The following PDE4B variants were observed in gnomAD, a reference collection of about 807,000 sequenced individuals.
The protein encoded by PDE4B is 3',5'-cyclic-AMP phosphodiesterase 4B.
PDE4B carries 20 observed loss-of-function variants against 82.2 expected under a neutral mutation model. The observed-to-expected ratio is 0.24, with a 90% CI of 0.17 to 0.35. PDE4B has a LOEUF of 0.35. Among genes scored for constraint, PDE4B ranks in the 10% least tolerant of loss-of-function variants. The probability of loss-of-function intolerance (pLI) is 1.00; values close to 1 mark genes in which losing one functional copy is unlikely to be tolerated. For synonymous variants in PDE4B, 320 were observed against 318.9 expected (o/e 1.00, Z -0.04); for missense variants, 655 against 907.2 (o/e 0.72, Z 3.57).
chr1:66,017,408 A>G lies in PDE4B; in HGVS notation c.281+98573A>G, dbSNP rs893333998. On this transcript the variant is annotated intron_variant, in intron 3 of 16. Coordinates refer to ENST00000341517, the MANE Select transcript of PDE4B (RefSeq NM_002600.4). The stretch of plus-strand genomic sequence containing the variant: ...AAAGCTACCTAGATAAAAGGCCAAA[A>G]TATAACATGTAGTTATGACAGTCAG... 3.3e-5 allele frequency among the ~76,000 whole-genome samples: 5 copies of G among 152,228 alleles called. No individual in the cohort carries two copies. In the South Asian group the frequency reaches 1.0e-3, roughly 32 times the overall value.
At chr1:65,993,285 T>A in intron 3 of PDE4B, 2 of 624,088 alleles carry the variant, frequency 3.2e-6, no homozygotes, top group Non-Finnish European at 5.5e-6. Context: ...CCAGGTCAGA[T>A]GAAGAGTACA....
intron 3 of PDE4B, among the ~76,000 whole-genome samples, chr1:65,985,868 C>T (rs1650930341): frequency 6.6e-6 from 1 of 152,156 alleles, no homozygotes. Flanking sequence ...GTTTCTCCTA[C>T]CAGTCTGCCA....
At chr1:66,226,189 T>G (rs1170208974) in intron 3 of PDE4B, among the ~76,000 whole-genome samples, 2 of 152,214 alleles carry the variant, frequency 1.3e-5, no homozygotes, top group African/African-American at 4.8e-5. Flanking sequence ...AACAATCACT[T>G]TTTATTATCT....
chr1:66,363,563 G>C lies in PDE4B; in HGVS notation c.1276G>C (p.Ala426Pro), dbSNP rs781582702. ...QSTHVLLSTPALDAVFTDLEI... is the reference protein window; with the variant it reads ...QSTHVLLSTPPLDAVFTDLEI... The stretch of plus-strand genomic sequence containing the variant: ...GACCCATGTTCTCCTTTCTACACCA[G>C]CATTAGACGTGAGTAATTATGACCT... The change falls in exon 12 of 17, where the codon GCA becomes CCA. Residue 426 changes from alanine (A) to proline (P), a missense_variant. Ala to Pro is a conservative substitution (Grantham distance 27). Transcript: ENST00000341517. The C allele has an allele frequency of 6.2e-7, 1 of 1,609,772 alleles. No individual in the cohort carries two copies. The highest frequency in any genetic ancestry group is 8.5e-7 in the Non-Finnish European group (1 of 1,178,478).
At chr1:65,870,561 G>A (rs565706928) in intron 1 of PDE4B, among the ~76,000 whole-genome samples, 2 of 152,224 alleles carry the variant, frequency 1.3e-5, no homozygotes, top group East Asian at 3.9e-4. Flanking sequence ...CCATCTGTGT[G>A]CATTGATGGC....
At chr1:66,307,900 G>T (rs1284465439) in intron 7 of PDE4B, among the ~76,000 whole-genome samples, 1 of 152,144 alleles carries the variant, frequency 6.6e-6, no homozygotes. Flanking sequence ...AAGGAGTTAA[G>T]TCGAGGGCCA....
intron 3 of PDE4B, among the ~76,000 whole-genome samples, chr1:66,142,232 A>C (rs983241528): frequency 6.6e-6 from 1 of 152,096 alleles, no homozygotes; most frequent in African/African-American, 2.4e-5. Flanking sequence ...AGGCAGAAGA[A>C]AATTTGGGAT....
intron 3 of PDE4B, among the ~76,000 whole-genome samples, chr1:65,964,906 G>A (rs1301093642): frequency 4.9e-5 from 1 of 20,614 alleles, no homozygotes; most frequent in African/African-American, 1.9e-4. Flanking sequence ...ATACCCAGTG[G>A]ATATATCTGG....
chr1:66,219,556 G>T (rs546264821), intron 3 of PDE4B, among the ~76,000 whole-genome samples: 2 of 152,250 alleles, frequency 1.3e-5, no homozygotes, highest in Admixed American at 6.5e-5. Flanking sequence ...ATCCCTTCCT[G>T]TTGTTCCTGG....
chr1:66,345,736 A>G (rs924872087), intron 8 of PDE4B, among the ~76,000 whole-genome samples: 6 of 152,222 alleles, frequency 3.9e-5, no homozygotes, highest in African/African-American at 1.2e-4. Context: ...GGCTACATGT[A>G]GGGGCCTGCC....
intron 3 of PDE4B, among the ~76,000 whole-genome samples, chr1:65,926,506 C>G (rs1647509761): frequency 6.6e-6 from 1 of 152,112 alleles, no homozygotes; most frequent in Non-Finnish European, 1.5e-5. Flanking sequence ...GACTTTTTCT[C>G]CCGAAGACAC....
chr1:65,799,844 C>G (rs1294380810), intron 1 of PDE4B, among the ~76,000 whole-genome samples: 3 of 152,196 alleles, frequency 2.0e-5, no homozygotes, highest in Admixed American at 6.5e-5. Flanking sequence ...TTGCTCTCTC[C>G]TCCCCCATAA....
chr1:66,324,147 C>T (rs998784507), intron 7 of PDE4B, among the ~76,000 whole-genome samples: 1 of 152,078 alleles, frequency 6.6e-6, no homozygotes, highest in Non-Finnish European at 1.5e-5. Flanking sequence ...GAGGCTGGCA[C>T]ATCAAAGACA....
intron 3 of PDE4B, among the ~76,000 whole-genome samples, chr1:66,134,470 A>T (rs1557585554): frequency 6.6e-6 from 1 of 152,168 alleles, no homozygotes; most frequent in African/African-American, 2.4e-5. Flanking sequence ...TACTCATGTT[A>T]TCAGACACTG....
chr1:65,951,926 A>G (rs1649020249), intron 3 of PDE4B, among the ~76,000 whole-genome samples: 1 of 152,058 alleles, frequency 6.6e-6, no homozygotes, highest in South Asian at 2.1e-4. Flanking sequence ...TTGGCAATGG[A>G]GGATGAATAT....
chr1:66,118,277 T>G (rs1036777726), intron 3 of PDE4B, among the ~76,000 whole-genome samples: 6 of 152,304 alleles, frequency 3.9e-5, no homozygotes, highest in African/African-American at 1.4e-4. Context: ...CACACATATG[T>G]TTATTGCGGC....
intron 3 of PDE4B, among the ~76,000 whole-genome samples, chr1:66,018,351 C>T (rs148571884): frequency 0.021 from 3,213 of 152,050 alleles, 115 homozygotes; most frequent in African/African-American, 0.073. Context: ...ACCCAGGAGG[C>T]GGAGCTTGCA....
chr1:66,045,226 C>G (rs1257199569), intron 3 of PDE4B, among the ~76,000 whole-genome samples: 1 of 151,536 alleles, frequency 6.6e-6, no homozygotes, highest in African/African-American at 2.4e-5. Flanking sequence ...TTGACTCTTT[C>G]CCTTCATTTT....
intron 3 of PDE4B, among the ~76,000 whole-genome samples, chr1:66,159,679 A>C (rs1040510538): frequency 1.3e-5 from 2 of 152,192 alleles, no homozygotes; most frequent in Non-Finnish European, 2.9e-5. Context: ...TGGTGCCTCA[A>C]ATCCTCGCAT....
Sources: allele counts gnomAD v4.1 joint callset (sites outside exome capture counted in the v4.1 genomes callset), GRCh38; gene constraint gnomAD v4.1.1; transcripts MANE v1.5; gene names NCBI Gene and HGNC (gene_info 2026-07-23, HGNC 2026-07-21).